Variants in SLCO2A1 observed in about 807,000 individuals in gnomAD.
SLCO2A1 encodes matrin F/G 1.
In SLCO2A1, 60 loss-of-function variants were observed where a neutral mutation model predicts 71.7. That is an observed-to-expected ratio of 0.84 (90% CI 0.68 to 1.04). The LOEUF (loss-of-function observed/expected upper bound fraction) is 1.04, where lower values mean the gene tolerates loss of function less well. Among genes scored for constraint, SLCO2A1 ranks in the 50% least tolerant of loss-of-function variants. SLCO2A1 has a pLI of 0.00. For synonymous variants in SLCO2A1, 308 were observed against 326.7 expected, an observed-to-expected ratio of 0.94 and a Z score of 0.62; for missense variants, 745 against 813.4, an observed-to-expected ratio of 0.92 and a Z score of 1.02.
At chr3:133,969,128 G>A (rs1001610611) in intron 3 of SLCO2A1, among the ~76,000 whole-genome samples, 3 of 152,176 alleles carry the variant, frequency 2.0e-5, no homozygotes, top group African/African-American at 7.2e-5. Context: ...ACAAGGGCAG[G>A]CAAATAGAAA....
chr3:133,937,776 A>G (rs143109865), intron 12 of SLCO2A1, among the ~76,000 whole-genome samples: 71 of 152,192 alleles, frequency 4.7e-4, no homozygotes, highest in Middle Eastern at 3.4e-3. Context: ...TGTTAAGTCT[A>G]GTGCACAGAT....
At chr3:133,968,020 G>T (rs1414696408) in intron 3 of SLCO2A1, among the ~76,000 whole-genome samples, 1 of 122,628 alleles carries the variant, frequency 8.2e-6, no homozygotes, top group Non-Finnish European at 1.7e-5. Flanking sequence ...CCCATCACAG[G>T]CACCCCACCC....
chr3:134,029,918 C>T lies in SLCO2A1; in HGVS notation c.-116G>A. The stretch of plus-strand genomic sequence containing the variant: ...CAGTGGCCGGAGGAGATTCGCGGAG[C>T]GGAGACTGAGCCAGCGAGTGCGCGC... On this transcript the variant is annotated 5_prime_UTR_variant, in exon 1 of 14. Coordinates refer to ENST00000310926, the MANE Select transcript of SLCO2A1 (RefSeq NM_005630.3). 2.1e-6 allele frequency: 1 copy of T among 470,816 alleles called. No homozygotes were observed. The highest frequency in any genetic ancestry group is 3.4e-6 in the Non-Finnish European group (1 of 297,428). The allele number at this position is 470,816 out of a possible 1,614,324, so 29.2% of individuals were successfully genotyped here.
rs368570008 is a variant in SLCO2A1, at chr3:133,945,140, G to T, written c.1416C>A (p.Ala472=). Residue 472 remains alanine, a synonymous_variant, in exon 10 of 14, where the codon GCC becomes GCA. Coordinates refer to ENST00000310926, the MANE Select transcript of SLCO2A1 (RefSeq NM_005630.3). ...AGCTCATGTTGATGTTGCTGCAGCC[G>T]GCATGGCAAGGGGAGAGGTACTCGA... is the stretch of plus-strand genomic sequence containing the variant. The part of the protein sequence containing the change: ...NGIEYLSPCH[A]GCSNINMSSA... 31 of 1,613,990 alleles carry T rather than the reference G, an allele frequency of 1.9e-5. No individual in the cohort carries two copies. Among genetic ancestry groups the T allele is most frequent in the Non-Finnish European group, 2.6e-5 (31 of 1,179,920 alleles).
chr3:133,933,791 C>T lies in SLCO2A1; in HGVS notation c.*922G>A, dbSNP rs1933200018. The T allele has an allele frequency of 6.6e-6, 1 of 152,230 alleles. No homozygotes were observed. The highest frequency in any genetic ancestry group is 1.5e-5 in the Non-Finnish European group (1 of 68,058). 9.4% of individuals were successfully genotyped at this position (152,230 alleles called of 1,614,324 possible). A position where few individuals can be genotyped will look rare whatever the true frequency, so the allele number is the denominator to read the frequency against. On this transcript the variant is annotated 3_prime_UTR_variant, in exon 14 of 14. Coordinates refer to ENST00000310926, the MANE Select transcript of SLCO2A1 (RefSeq NM_005630.3). ...TCCAGACAGGGAAGTGCATGTGAAG[C>T]CACCTCATCTGCTGCCAGGGAGATG...
At position 133,942,508 on chromosome 3, in the gene SLCO2A1, G is replaced by T. The variant is rs3923834; in HGVS notation, c.1625+97C>A. ...TAAAGGACTCTGAGGGCCACAAAAG[G>T]GGGGAGAGATGAGAAACAGGCAACT... On this transcript the variant is annotated intron_variant, in intron 11 of 13. Coordinates refer to ENST00000310926, the MANE Select transcript of SLCO2A1 (RefSeq NM_005630.3). 263,004 of 1,285,764 alleles carry T rather than the reference G, an allele frequency of 0.2. 28,441 individuals carry two copies. The highest frequency in any genetic ancestry group is 0.27 in the Admixed American group (10,540 of 38,642). The allele number at this position is 1,285,764 out of a possible 1,614,324, so 79.6% of individuals were successfully genotyped here.
intron 1 of SLCO2A1, among the ~76,000 whole-genome samples, chr3:133,999,349 G>A (rs751916716): frequency 4.6e-5 from 7 of 152,188 alleles, no homozygotes; most frequent in Non-Finnish European, 1.0e-4. Context: ...ATTTTATCAG[G>A]GGCTGTGTGT....
intron 1 of SLCO2A1, among the ~76,000 whole-genome samples, chr3:133,996,924 C>T (rs1213307881): frequency 1.3e-5 from 2 of 152,220 alleles, no homozygotes; most frequent in Non-Finnish European, 2.9e-5. Flanking sequence ...CTTTGTCCAA[C>T]ATTCAAATCT....
In SLCO2A1 at chr3:133,934,745, A is replaced by T; in HGVS notation, c.1900T>A (p.Tyr634Asn). ...ISWRVKKNKEYNVQKAAGLI is the reference protein window; with the variant it reads ...ISWRVKKNKENNVQKAAGLI ...AGGCCTGCCGCCTTCTGCACGTTGTACTCCTTGTTCTTCTTCACCCTCCAG... is the reference window on the plus strand; with the variant it reads ...AGGCCTGCCGCCTTCTGCACGTTGTTCTCCTTGTTCTTCTTCACCCTCCAG... The change falls in exon 14 of 14, where the codon TAC becomes AAC. Residue 634 changes from tyrosine to asparagine, a missense_variant. Physicochemically the swap from Tyr to Asn is moderately radical, Grantham distance 143. Transcript: ENST00000310926. 1 of 1,613,358 alleles carries T rather than the reference A, an allele frequency of 6.2e-7. No individual in the cohort carries two copies. The highest frequency in any genetic ancestry group is 8.5e-7 in the Non-Finnish European group (1 of 1,179,940).
intron 1 of SLCO2A1, among the ~76,000 whole-genome samples, chr3:133,987,154 G>A (rs920933271): frequency 1.1e-4 from 8 of 72,826 alleles, no homozygotes; most frequent in South Asian, 5.3e-4. Flanking sequence ...CCCCCGCCCC[G>A]CCACCCCCAC....
chr3:133,950,630 A>C (rs1933721083), intron 6 of SLCO2A1, among the ~76,000 whole-genome samples: 1 of 152,152 alleles, frequency 6.6e-6, no homozygotes. Flanking sequence ...GAATTAGAAC[A>C]ATCTTTAGAC....
At chr3:133,992,089 T>C (rs1372648184) in intron 1 of SLCO2A1, among the ~76,000 whole-genome samples, 3 of 152,224 alleles carry the variant, frequency 2.0e-5, no homozygotes, top group Non-Finnish European at 4.4e-5. Flanking sequence ...GCCCAGGATC[T>C]CTTGACCACT....
At chr3:133,984,797 T>G (rs1413564409) in intron 1 of SLCO2A1, among the ~76,000 whole-genome samples, 1 of 152,202 alleles carries the variant, frequency 6.6e-6, no homozygotes, top group East Asian at 1.9e-4. Flanking sequence ...TGTTATAGTT[T>G]TTGATGATTT....
In SLCO2A1 at chr3:134,029,833, G is replaced by A; in HGVS notation, c.-31C>T. 2 of 1,332,350 alleles carry A rather than the reference G, an allele frequency of 1.5e-6. No homozygotes were observed. Among genetic ancestry groups the A allele is most frequent in the East Asian group, 3.1e-5 (1 of 31,762 alleles). The allele number at this position is 1,332,350 out of a possible 1,614,324, so 82.5% of individuals were successfully genotyped here. ...CGGGCGGCTGGCCGGGCGCGGAGTG[G>A]CGCGGGGTCGGGGCGCCTCGGGCTG... On this transcript the variant is annotated 5_prime_UTR_variant, in exon 1 of 14. Transcript: ENST00000310926.
intron 1 of SLCO2A1, among the ~76,000 whole-genome samples, chr3:133,981,567 T>G (rs543344693): frequency 7.9e-5 from 12 of 152,330 alleles, no homozygotes; most frequent in African/African-American, 2.9e-4. Flanking sequence ...AAATGCTTTA[T>G]TTGGAAAACT....
intron 1 of SLCO2A1, among the ~76,000 whole-genome samples, chr3:133,985,574 T>C (rs1934694892): frequency 6.6e-6 from 1 of 152,260 alleles, no homozygotes; most frequent in Non-Finnish European, 1.5e-5. Context: ...CTCGACTTTT[T>C]TTCTTTTCTC....
intron 9 of SLCO2A1, among the ~76,000 whole-genome samples, chr3:133,945,474 C>A (rs576024323): frequency 8.5e-5 from 13 of 152,284 alleles, no homozygotes; most frequent in African/African-American, 3.1e-4. Context: ...ATTTCTTCTG[C>A]CACTGGGAGC....
chr3:133,944,994 G>T, intron 10 of SLCO2A1, 101 bp downstream of exon 10: 2 of 1,354,828 alleles, frequency 1.5e-6, no homozygotes, highest in Non-Finnish European at 2.0e-6. Context: ...TGTGTGTGGA[G>T]CCCTGCCTAT....
chr3:133,950,093 G>A (rs544718402), intron 6 of SLCO2A1, among the ~76,000 whole-genome samples: 2 of 151,670 alleles, frequency 1.3e-5, no homozygotes, highest in East Asian at 3.9e-4. Flanking sequence ...CTCAACCTGG[G>A]CTCAAGCAAT....
Sources: allele counts gnomAD v4.1 joint callset (sites outside exome capture counted in the v4.1 genomes callset), GRCh38; gene constraint gnomAD v4.1.1; transcripts MANE v1.5; gene names NCBI Gene and HGNC (gene_info 2026-07-23, HGNC 2026-07-21).